ADAM28: variants seen among roughly 807,000 people sequenced by gnomAD.
The protein encoded by ADAM28 is disintegrin and metalloproteinase domain-containing protein 28.
In ADAM28, 105 loss-of-function variants were observed where a neutral mutation model predicts 101.2. The observed-to-expected ratio is 1.04, with a 90% CI of 0.89 to 1.22. The LOEUF (loss-of-function observed/expected upper bound fraction) is 1.22, where lower values mean the gene tolerates loss of function less well. Ranked by LOEUF, ADAM28 falls within the 50% of genes most tolerant of loss-of-function variation. ADAM28 has a pLI of 0.00. For missense variants in ADAM28, 1,028 were observed against 945.4 expected (o/e 1.09, Z -1.15); for synonymous variants, 322 against 310.6 (o/e 1.04, Z -0.39).
At chr8:24,341,560 A>C (rs1459385342) in intron 15 of ADAM28, 38 bp from the exon 16 acceptor site, 3 of 1,596,530 alleles carry the variant, frequency 1.9e-6, no homozygotes, top group Admixed American at 1.7e-5. Context: ...GTAAAACTGC[A>C]ATTTGAATCC....
At chr8:24,325,871 CAAAAAAAAAAA>C (rs5890146) in intron 9 of ADAM28, among the ~76,000 whole-genome samples, 2 of 20,416 alleles carry the variant, frequency 9.8e-5, no homozygotes, top group South Asian at 3.1e-3. Context: ...GTACAGATAG[CAAAAAAAAAAA>C]AAAAAAAAAA....
chr8:24,299,111 T>A (rs764843267), intron 1 of ADAM28, among the ~76,000 whole-genome samples: 1 of 152,034 alleles, frequency 6.6e-6, no homozygotes, highest in Non-Finnish European at 1.5e-5. Context: ...AAGGATGGCT[T>A]GAGCCCAGGA....
chr8:24,299,047 G>T (rs1808356764), intron 1 of ADAM28, among the ~76,000 whole-genome samples: 1 of 148,318 alleles, frequency 6.7e-6, no homozygotes, highest in Non-Finnish European at 1.5e-5. Context: ...AAAAAAAAAA[G>T]CCAGGCATGG....
In ADAM28 at chr8:24,326,626, C is replaced by T. The variant is rs146245084; in HGVS notation, c.963C>T (p.Gly321=). 264 of 1,611,138 alleles carry T rather than the reference C, an allele frequency of 1.6e-4. No homozygotes were observed. In the African/African-American group the frequency reaches 1.8e-3, roughly 11 times the overall value. Residue 321 remains glycine, a synonymous_variant, in exon 10 of 23, where the codon GGC becomes GGT. Transcript: ENST00000265769. The stretch of plus-strand genomic sequence containing the variant: ...CAATGTGTTCTCCTTATTCTGTTGG[C>T]GTTGTTCAGGTCTGTATGATGATAA... The part of the protein sequence containing the change: ...MSTMCSPYSV[G]VVQDHSDNLL...
At chr8:24,352,192 T>C (rs1816239757) in intron 21 of ADAM28, 140 bp downstream of exon 21, 2 of 801,392 alleles carry the variant, frequency 2.5e-6, no homozygotes, top group Admixed American at 2.9e-5. Context: ...ATACAAATTC[T>C]TCTGCAAAAT....
intron 9 of ADAM28, among the ~76,000 whole-genome samples, chr8:24,326,025 G>C (rs371640011): frequency 6.6e-6 from 1 of 151,424 alleles, no homozygotes; most frequent in African/African-American, 2.4e-5. Context: ...GGAAGTATAA[G>C]TGCAAATGAT....
intron 8 of ADAM28, chr8:24,322,460 T>TA (rs1308506869): frequency 1.3e-5 from 2 of 151,926 alleles, no homozygotes; most frequent in Non-Finnish European, 2.9e-5. Flanking sequence ...AAGAGGAGCA[T>TA]AAAAAATGTG....
At position 24,321,056 on chromosome 8, in the gene ADAM28, C is replaced by T. The variant is rs779282171; in HGVS notation, c.649-162C>T. On this transcript the variant is annotated intron_variant, in intron 7 of 22. Coordinates refer to ENST00000265769, the MANE Select transcript of ADAM28 (RefSeq NM_014265.6). Reference sequence around the variant, plus strand: ...TCACTCCCAAAGTGCTTTAATGTAGCTAGATGAATAGGAATTAATTTGATT... The same window carrying T: ...TCACTCCCAAAGTGCTTTAATGTAGTTAGATGAATAGGAATTAATTTGATT... Among the ~76,000 whole-genome samples the T allele has an allele frequency of 4.6e-5, 7 of 151,952 alleles. No individual in the cohort carries two copies. In the South Asian group the frequency reaches 1.2e-3, roughly 27 times the overall value.
At chr8:24,295,951 G>T (rs1300857344) in intron 1 of ADAM28, 1 of 152,098 alleles carries the variant, frequency 6.6e-6, no homozygotes, top group Non-Finnish European at 1.5e-5. Flanking sequence ...CATGACTTCT[G>T]CCCAGTCCCC....
chr8:24,332,068 C>T (rs1813426560), intron 12 of ADAM28, among the ~76,000 whole-genome samples: 1 of 152,136 alleles, frequency 6.6e-6, no homozygotes, highest in African/African-American at 2.4e-5. Context: ...AGTTTTAACC[C>T]TAAAATATTG....
Position 24,309,918 on chromosome 8 carries a change from TA to T in ADAM28, c.176del (p.Tyr59LeufsTer3). 1 of 1,561,392 alleles carries T rather than the reference TA, an allele frequency of 6.4e-7. No individual in the cohort carries two copies. Among genetic ancestry groups the T allele is most frequent in the South Asian group, 1.1e-5 (1 of 88,356 alleles). ...GGAACAATTTGAAACTGAATTAAAG[TA>T]TAAAATGACAATTAATGGAAAAATT... ...QQEQFETELK[Y>X]KMTINGKIAV... On this transcript the variant is annotated frameshift_variant, in exon 3 of 23. Transcript: ENST00000265769. LOFTEE classifies it high-confidence loss of function.
At chr8:24,343,405 G>A (rs1815024763) in intron 17 of ADAM28, 101 bp from the exon 18 acceptor site, 4 of 1,229,394 alleles carry the variant, frequency 3.3e-6, no homozygotes, top group African/African-American at 3.0e-5. Flanking sequence ...CCTGGAGACT[G>A]GGGTTATTCC....
intron 9 of ADAM28, among the ~76,000 whole-genome samples, chr8:24,325,887 A>ACAAAAAAACAAAC (rs777636167): frequency 7.4e-6 from 1 of 135,916 alleles, no homozygotes; most frequent in Non-Finnish European, 1.6e-5. Flanking sequence ...AAAAAAAAAA[A>ACAAAAAAACAAAC]AAAAAAAAAA....
chr8:24,321,537 T>C (rs960310711), intron 8 of ADAM28: 2 of 456,544 alleles, frequency 4.4e-6, no homozygotes, highest in Non-Finnish European at 4.0e-6. Context: ...AAAAGCTACA[T>C]GGGTGCATTG....
intron 11 of ADAM28, 91 bp from the exon 12 acceptor site, chr8:24,331,059 G>A: frequency 7.7e-7 from 1 of 1,297,900 alleles, no homozygotes; most frequent in Non-Finnish European, 1.0e-6. Flanking sequence ...TTTTGGGGCA[G>A]GCCGTGGGTG....
chr8:24,328,251 A>G (rs751358309), intron 10 of ADAM28, among the ~76,000 whole-genome samples: 6 of 151,848 alleles, frequency 4.0e-5, no homozygotes, highest in Non-Finnish European at 8.8e-5. Flanking sequence ...TTTCATTTTG[A>G]ATATATTTTC....
Position 24,341,761 on chromosome 8 carries a change from A to C in ADAM28, c.1830+4A>C. The stretch of plus-strand genomic sequence containing the variant: ...AACTAAGTGTGGCGATAACAAGGTA[A>C]GTTGAAATTGTGGCTTTCACTCAAA... On this transcript the variant is annotated splice_donor_region_variant and intron_variant, in intron 16 of 22. Transcript: ENST00000265769. 1 of 1,613,466 alleles carries C rather than the reference A, an allele frequency of 6.2e-7. No individual in the cohort carries two copies. The highest frequency in any genetic ancestry group is 1.1e-5 in the South Asian group (1 of 90,948).
Position 24,354,632 on chromosome 8 carries a change from A to G in ADAM28, c.*228A>G, listed in dbSNP as rs191945562. The G allele has an allele frequency of 3.4e-4, 139 of 403,620 alleles. No homozygotes were observed. The East Asian group carries it at 6.0e-3, about 17-fold the overall frequency. The allele number at this position is 403,620 out of a possible 1,614,324, so 25.0% of individuals were successfully genotyped here. ...TAAAATTTCAATTATCCATTCTTAT[A>G]AGAAGGAAGATGATTGTAAAGAAAT... On this transcript the variant is annotated 3_prime_UTR_variant, in exon 23 of 23. Coordinates refer to ENST00000265769, the MANE Select transcript of ADAM28 (RefSeq NM_014265.6).
chr8:24,313,230 T>A (rs533283219), intron 5 of ADAM28, among the ~76,000 whole-genome samples, 158 bp from the exon 6 acceptor site: 1 of 152,350 alleles, frequency 6.6e-6, no homozygotes, highest in East Asian at 1.9e-4. Flanking sequence ...CTTCAAGGTA[T>A]CTTCAGCTGT....
Sources: gnomAD v4.1 joint callset for allele counts (sites outside exome capture counted in the v4.1 genomes callset) on GRCh38, gnomAD v4.1.1 for gene constraint, MANE v1.5 for transcripts, NCBI Gene and HGNC (gene_info 2026-07-23, HGNC 2026-07-21) for gene names.